The following IL1RAPL2 variants were observed in gnomAD, a reference collection of about 807,000 sequenced individuals.
IL1RAPL2 encodes X-linked interleukin-1 receptor accessory protein-like 2.
Under a neutral mutation model 44.1 loss-of-function variants are expected in IL1RAPL2, and 3 were observed. The ratio of observed to expected loss-of-function variants is 0.07; its 90% CI spans 0.03 to 0.18. The LOEUF (loss-of-function observed/expected upper bound fraction) is 0.18, where lower values mean the gene tolerates loss of function less well. Ranked by LOEUF, IL1RAPL2 falls within the 10% of genes least tolerant of loss-of-function variation. The pLI is 1.00. For synonymous variants in IL1RAPL2, 181 were observed against 178.8 expected, an observed-to-expected ratio of 1.01 and a Z score of -0.10; for missense variants, 391 against 496.4, an observed-to-expected ratio of 0.79 and a Z score of 2.02.
intron 10 of IL1RAPL2, among the ~76,000 whole-genome samples, chrX:105,759,247 CTT>C (rs1348394181): frequency 5.3e-5 from 6 of 112,251 alleles, no homozygotes; most frequent in East Asian, 2.8e-4. Context: ...ATCCTGTACT[CTT>C]TGTTTCCCTT....
intron 2 of IL1RAPL2, among the ~76,000 whole-genome samples, chrX:104,882,362 A>G (rs1207862247): frequency 8.9e-6 from 1 of 112,295 alleles, no homozygotes; most frequent in African/African-American, 3.2e-5. Context: ...TTAATGTAGA[A>G]AATTAGTTGC....
chrX:104,769,588 A>G (rs997238187), intron 2 of IL1RAPL2, among the ~76,000 whole-genome samples: 7 of 112,330 alleles, frequency 6.2e-5, no homozygotes, highest in Non-Finnish European at 1.3e-4. Flanking sequence ...ATGTAGGTTT[A>G]TATTCCTGTG....
intron 2 of IL1RAPL2, among the ~76,000 whole-genome samples, chrX:105,147,552 G>A (rs975426933): frequency 1.8e-5 from 2 of 111,411 alleles, no homozygotes; most frequent in Admixed American, 9.5e-5. Flanking sequence ...CTCTTTCTAT[G>A]CCTGTTCTGG....
Position 104,945,471 on chromosome X carries a change from A to G in IL1RAPL2, c.83-250004A>G, listed in dbSNP as rs149396624. ...TACTCATAACTAAGAAAATGTTTAA[A>G]TGATCAAATCCAGTACTTTGCCCAA... On this transcript the variant is annotated intron_variant, in intron 2 of 10. Transcript: ENST00000372582. Among the ~76,000 whole-genome samples, 23 of 111,156 alleles carry G rather than the reference A, an allele frequency of 2.1e-4. No homozygotes were observed. The East Asian group carries it at 6.2e-3, about 30-fold the overall frequency.
At chrX:104,893,917 G>T (rs1241711571) in intron 2 of IL1RAPL2, among the ~76,000 whole-genome samples, 5 of 111,800 alleles carry the variant, frequency 4.5e-5, no homozygotes, top group Admixed American at 3.8e-4. Flanking sequence ...TTTTGCAGTG[G>T]CTGGTACCGG....
At chrX:105,207,341 A>T (rs782768462) in intron 3 of IL1RAPL2, among the ~76,000 whole-genome samples, 1 of 111,951 alleles carries the variant, frequency 8.9e-6, no homozygotes, top group African/African-American at 3.2e-5. Flanking sequence ...CATGTGGTTC[A>T]TCATTAAATT....
intron 8 of IL1RAPL2, among the ~76,000 whole-genome samples, chrX:105,742,383 A>G (rs914814400): frequency 1.8e-5 from 2 of 111,490 alleles, no homozygotes; most frequent in African/African-American, 6.5e-5. Context: ...AAAACCTGCT[A>G]TGAGGAAAAA....
At chrX:104,849,592 T>C (rs1044302483) in intron 2 of IL1RAPL2, among the ~76,000 whole-genome samples, 9 of 109,271 alleles carry the variant, frequency 8.2e-5, no homozygotes, top group Middle Eastern at 4.4e-3. Context: ...AATATTAAAT[T>C]AGTCTTATCA....
chrX:105,746,302 G>C (rs913263752), intron 8 of IL1RAPL2, among the ~76,000 whole-genome samples: 5 of 112,617 alleles, frequency 4.4e-5, no homozygotes, highest in Non-Finnish European at 9.4e-5. Context: ...AATATTTGCT[G>C]TTCTTGCTAC....
At chrX:104,991,635 G>A (rs781584293) in intron 2 of IL1RAPL2, among the ~76,000 whole-genome samples, 1 of 111,523 alleles carries the variant, frequency 9.0e-6, no homozygotes, top group African/African-American at 3.3e-5. Context: ...AGAATTTCAA[G>A]GGTTTCACTC....
intron 2 of IL1RAPL2, among the ~76,000 whole-genome samples, chrX:105,098,984 A>C (rs2032636732): frequency 8.9e-6 from 1 of 112,499 alleles, no homozygotes; most frequent in Non-Finnish European, 1.9e-5. Context: ...TGATGAAGCC[A>C]ACTTTATTCT....
At chrX:105,143,989 T>TA (rs1476587928) in intron 2 of IL1RAPL2, among the ~76,000 whole-genome samples, 1 of 107,839 alleles carries the variant, frequency 9.3e-6, no homozygotes, top group Middle Eastern at 4.4e-3. Context: ...TAAAGTATAA[T>TA]AAAACAAAAC....
At chrX:105,532,305 T>C (rs2036643360) in intron 6 of IL1RAPL2, among the ~76,000 whole-genome samples, 1 of 111,920 alleles carries the variant, frequency 8.9e-6, no homozygotes, top group East Asian at 2.8e-4. Context: ...TCACCCAAAG[T>C]GTGAACCCTG....
intron 2 of IL1RAPL2, among the ~76,000 whole-genome samples, chrX:104,916,845 G>C (rs1924457501): frequency 1.8e-5 from 2 of 111,225 alleles, no homozygotes; most frequent in Admixed American, 9.6e-5. Flanking sequence ...TTTTGTCTTT[G>C]GTTCTGTTTA....
At chrX:105,217,538 G>A (rs1469054523) in intron 3 of IL1RAPL2, among the ~76,000 whole-genome samples, 1 of 112,124 alleles carries the variant, frequency 8.9e-6, no homozygotes, top group African/African-American at 3.2e-5. Flanking sequence ...GGAAGTCAGT[G>A]TGGCGATTCC....
intron 2 of IL1RAPL2, among the ~76,000 whole-genome samples, chrX:104,673,975 T>C: frequency 9.0e-6 from 1 of 111,606 alleles, no homozygotes; most frequent in Admixed American, 9.5e-5. Flanking sequence ...CTGAAGTTGC[T>C]TATCAGCTTA....
intron 2 of IL1RAPL2, among the ~76,000 whole-genome samples, chrX:104,695,992 G>A (rs1569298739): frequency 9.0e-6 from 1 of 111,099 alleles, no homozygotes; most frequent in Non-Finnish European, 1.9e-5. Context: ...ATTTTTAGTA[G>A]AGACGGGGTT....
intron 2 of IL1RAPL2, among the ~76,000 whole-genome samples, chrX:105,043,399 C>T (rs946869501): frequency 2.8e-5 from 3 of 108,877 alleles, no homozygotes; most frequent in African/African-American, 1.0e-4. Context: ...TTCTTCAACA[C>T]ACTTTTTAGG....
intron 4 of IL1RAPL2, among the ~76,000 whole-genome samples, chrX:105,263,743 A>T (rs1235310017): frequency 9.0e-6 from 1 of 111,408 alleles, no homozygotes; most frequent in Non-Finnish European, 1.9e-5. Context: ...GTCCTGCAAC[A>T]AACTACTCTA....
Sources: allele counts gnomAD v4.1 joint callset (sites outside exome capture counted in the v4.1 genomes callset), GRCh38; gene constraint gnomAD v4.1.1; transcripts MANE v1.5; gene names NCBI Gene and HGNC (gene_info 2026-07-23, HGNC 2026-07-21).